KCNC4: variants seen among roughly 807,000 people sequenced by gnomAD.
The protein encoded by KCNC4 is potassium voltage-gated channel subfamily C member 4.
A neutral mutation model predicts 42.8 loss-of-function variants in KCNC4; 23 were observed. That is an observed-to-expected ratio of 0.54 (90% confidence interval 0.39 to 0.76). The LOEUF (loss-of-function observed/expected upper bound fraction) is 0.76. Among genes scored for constraint, KCNC4 ranks in the 30% least tolerant of loss-of-function variants. KCNC4 has a pLI of 0.00. For missense variants in KCNC4, 751 were observed against 898.2 expected (o/e 0.84, Z 2.10); for synonymous variants, 422 against 393.5 (o/e 1.07, Z -0.86).
downstream of KCNC4, among the ~76,000 whole-genome samples, chr1:110,249,727 GC>G (rs1659217983): frequency 3.2e-5 from 3 of 94,188 alleles, no homozygotes; most frequent in Admixed American, 2.9e-4. Context: ...TAAAAGCATT[GC>G]TTTAAAAAAT....
chr1:110,221,399 A>G (rs1191876764), intron 1 of KCNC4: 1 of 152,224 alleles, frequency 6.6e-6, no homozygotes, highest in Non-Finnish European at 1.5e-5. Context: ...AGGCGATTGA[A>G]GCATATACAG....
At chr1:110,282,358 C>G (rs1288230679) in intron 1 of KCNC4, among the ~76,000 whole-genome samples, 1 of 152,216 alleles carries the variant, frequency 6.6e-6, no homozygotes, top group Non-Finnish European at 1.5e-5. Context: ...TCTAACTCCA[C>G]CTGTCATCTC....
chr1:110,239,788 G>A (rs1658989421), exon 4 of KCNC4: 1 of 152,162 alleles, frequency 6.6e-6, no homozygotes, highest in Non-Finnish European at 1.5e-5. Flanking sequence ...GGAAGCCTTG[G>A]AGAGAGAGTT....
chr1:110,211,843 T>G lies in KCNC4; in HGVS notation c.344T>G (p.Leu115Arg). 6 of 1,611,680 alleles carry G rather than the reference T, an allele frequency of 3.7e-6. No individual in the cohort carries two copies. Among genetic ancestry groups the G allele is most frequent in the Non-Finnish European group, 5.1e-6 (6 of 1,179,822 alleles). ...CTCAACTACTACCGCACCGGCAAGC[T>G]GCACTGCCCCGCGGACGTGTGCGGG... Reference protein sequence around the residue: ...YVLNYYRTGKLHCPADVCGPL... With the variant: ...YVLNYYRTGKRHCPADVCGPL... The change falls in exon 1 of 4, where the codon CTG becomes CGG. Residue 115 changes from leucine to arginine, a missense_variant. By Grantham distance (102) the Leu-to-Arg change is moderately radical. This residue lies in a region of KCNC4 where 183 missense variants were observed against 255.8 expected (regional missense o/e 0.72). Transcript: ENST00000438661. The surrounding 1 kb of genome is among the most constrained non-coding windows in gnomAD (Gnocchi z 6.5).
chr1:110,221,627 G>C (rs1251860615), intron 1 of KCNC4: 2 of 152,212 alleles, frequency 1.3e-5, no homozygotes, highest in African/African-American at 4.8e-5. Context: ...AAACCTCTCT[G>C]AGTCCTCACT....
Position 110,211,869 on chromosome 1 carries a change from C to A in KCNC4, c.370C>A (p.Pro124Thr). 6.2e-7 allele frequency: 1 copy of A among 1,611,742 alleles called. No homozygotes were observed. The highest frequency in any genetic ancestry group is 8.5e-7 in the Non-Finnish European group (1 of 1,179,862). The change falls in exon 1 of 4, where the codon CCG becomes ACG. Residue 124 changes from proline to threonine, a missense_variant. Physicochemically the swap from Pro to Thr is conservative, Grantham distance 38 (BLOSUM62 -1). Around this residue, in one of 4 missense-constraint regions of KCNC4, gnomAD observed 183 missense variants for 255.8 expected, o/e 0.72. Transcript: ENST00000438661. The surrounding 1 kb of genome is among the most constrained non-coding windows in gnomAD (Gnocchi z 6.5). ...KLHCPADVCG[P>T]LFEEELTFWG... ...GCACTGCCCCGCGGACGTGTGCGGG[C>A]CGCTCTTCGAAGAGGAGCTCACCTT...
chr1:110,243,612 A>C (rs574031027), exon 4 of KCNC4: 118 of 153,406 alleles, frequency 7.7e-4, no homozygotes, highest in Middle Eastern at 2.7e-3. Flanking sequence ...AGCTGAGAAG[A>C]GGAAGATGAA....
At chr1:110,279,246 A>G (rs1659780195) in intron 1 of KCNC4, among the ~76,000 whole-genome samples, 1 of 152,204 alleles carries the variant, frequency 6.6e-6, no homozygotes. Flanking sequence ...CTACAAAGCC[A>G]CTTCCAGTTG....
chr1:110,236,671 T>G (rs929586408), downstream of KCNC4: 1 of 152,270 alleles, frequency 6.6e-6, no homozygotes, highest in Admixed American at 6.5e-5. Flanking sequence ...TCCTTCCCTC[T>G]GCGACCCCAC....
At chr1:110,232,243 TC>T in intron 3 of KCNC4, 1 of 1,613,958 alleles carries the variant, frequency 6.2e-7, no homozygotes, top group Non-Finnish European at 8.5e-7. Flanking sequence ...TCCGTGACCT[TC>T]CCCTTCAGCA....
chr1:110,213,170 TAAAAAAAAAAAAAAAAAA>T (rs760587471), intron 1 of KCNC4, among the ~76,000 whole-genome samples: 1 of 50,850 alleles, frequency 2.0e-5, no homozygotes, highest in Admixed American at 2.6e-4. Flanking sequence ...CTTCGACAGC[TAAAAAAAAAAAAAAAAAA>T]AAAAAAAAAT....
intron 3 of KCNC4, 82 bp downstream of exon 3, chr1:110,226,260 C>A: frequency 8.1e-7 from 1 of 1,241,028 alleles, no homozygotes; most frequent in South Asian, 1.2e-5. Flanking sequence ...CTGAGGTCCC[C>A]CCCTCCCCTG....
exon 4 of KCNC4, chr1:110,240,133 G>A (rs1420905137): frequency 2.0e-5 from 3 of 152,250 alleles, no homozygotes; most frequent in African/African-American, 7.2e-5. Context: ...AACGGGGAAA[G>A]AGAACCCTGG....
intron 3 of KCNC4, among the ~76,000 whole-genome samples, chr1:110,231,438 C>T (rs1162355291): frequency 6.6e-6 from 1 of 152,174 alleles, no homozygotes; most frequent in African/African-American, 2.4e-5. Context: ...AGTGGAAAAG[C>T]AATCTAAGGC....
chr1:110,234,876 C>T (rs1193694028), downstream of KCNC4: 2 of 152,264 alleles, frequency 1.3e-5, no homozygotes, highest in African/African-American at 4.8e-5. Context: ...TTGCTGCTTG[C>T]TAGCTGGGTG....
chr1:110,278,930 T>G (rs1659773184), intron 1 of KCNC4, among the ~76,000 whole-genome samples: 1 of 152,174 alleles, frequency 6.6e-6, no homozygotes, highest in African/African-American at 2.4e-5. Flanking sequence ...GGGGCCCAAC[T>G]GCAACCTTTC....
chr1:110,254,093 G>C (rs12406163), downstream of KCNC4, among the ~76,000 whole-genome samples: 1,617 of 127,556 alleles, frequency 0.013, 143 homozygotes, highest in Admixed American at 0.11. Context: ...CAGAAGTCGG[G>C]GGGGGGGCGG....
rs1375303464 is a variant in KCNC4 at position 110,226,401 on chromosome 1, A to G, written c.1819+223A>G. ...GCACACGGCTCCCATCCAGCTGCCC[A>G]TGGGAAAGAGCAGCGCTAGAGGGTA... On this transcript the variant is annotated intron_variant, in intron 3 of 3. Coordinates refer to ENST00000438661, the MANE Select transcript of KCNC4 (RefSeq NM_001039574.3). The G allele has an allele frequency of 8.6e-6, 5 of 583,730 alleles. No individual in the cohort carries two copies. The Admixed American group carries it at 1.4e-4, about 16-fold the overall frequency. 36.2% of individuals were successfully genotyped at this position (583,730 alleles called of 1,614,324 possible). A position where few individuals can be genotyped will look rare whatever the true frequency, so the allele number is the denominator to read the frequency against.
At chr1:110,232,331 T>C in intron 3 of KCNC4, 1 of 1,609,638 alleles carries the variant, frequency 6.2e-7, no homozygotes, top group Non-Finnish European at 8.5e-7. Context: ...GGGCACGACA[T>C]GGCATCATAC....
Sources: allele counts gnomAD v4.1 joint callset (sites outside exome capture counted in the v4.1 genomes callset), GRCh38; gene constraint gnomAD v4.1.1; regional missense constraint gnomAD v4.1.1; non-coding constraint Gnocchi (gnomAD v3.1); transcripts MANE v1.5; gene names NCBI Gene and HGNC (gene_info 2026-07-23, HGNC 2026-07-21).